Variants in UBN2 observed in about 807,000 individuals in gnomAD.
The protein encoded by UBN2 is ubinuclein 2.
A neutral mutation model predicts 120.2 loss-of-function variants in UBN2; 35 were observed. That is an observed-to-expected ratio of 0.29 (90% CI 0.22 to 0.39). The LOEUF is 0.39. Ranked by LOEUF, UBN2 falls within the 10% of genes least tolerant of loss-of-function variation. UBN2 has a pLI of 1.00. For missense variants in UBN2, 1,693 were observed against 1,663.2 expected (o/e 1.02, Z -0.31); for synonymous variants, 661 against 648.7 (o/e 1.02, Z -0.29).
In UBN2 at chr7:139,231,483, G is replaced by A. The variant is rs1371160380; in HGVS notation, c.-2G>A. 1 of 1,378,220 alleles carries A rather than the reference G, an allele frequency of 7.3e-7. No individual in the cohort carries two copies. Among genetic ancestry groups the A allele is most frequent in the Admixed American group, 3.1e-5 (1 of 32,014 alleles). The allele number at this position is 1,378,220 out of a possible 1,614,324, so 85.4% of individuals were successfully genotyped here. On this transcript the variant is annotated 5_prime_UTR_variant, in exon 1 of 18. Coordinates refer to ENST00000473989, the MANE Select transcript of UBN2 (RefSeq NM_173569.4). ...CAAAAGCGGAGGGCCAGAACAGTGG[G>A]GATGGCGGAGCCGCGCAGAGTAGCG...
chr7:139,235,434 C>A (rs181217614), intron 1 of UBN2, among the ~76,000 whole-genome samples: 94 of 152,180 alleles, frequency 6.2e-4, no homozygotes, highest in Non-Finnish European at 5.9e-5. Context: ...CTCACTCTGT[C>A]TCAACCAGGT....
downstream of UBN2, among the ~76,000 whole-genome samples, chr7:139,311,078 A>G (rs568804118): frequency 6.6e-6 from 1 of 152,352 alleles, no homozygotes; most frequent in South Asian, 2.1e-4. Flanking sequence ...ACTGCTTCCT[A>G]TACATACAAA....
At chr7:139,266,495 G>A in intron 7 of UBN2, 92 bp downstream of exon 7, 4 of 670,722 alleles carry the variant, frequency 6.0e-6, no homozygotes, top group Non-Finnish European at 1.0e-5. Context: ...GGCAAGTCTT[G>A]GGCATGAGTT....
At chr7:139,237,907 T>C (rs1796209398) in intron 2 of UBN2, among the ~76,000 whole-genome samples, 1 of 152,230 alleles carries the variant, frequency 6.6e-6, no homozygotes, top group African/African-American at 2.4e-5. Flanking sequence ...ATGAGACTTC[T>C]TTGAAAGTGT....
At chr7:139,270,184 G>T (rs1324478527) in intron 8 of UBN2, among the ~76,000 whole-genome samples, 1 of 151,714 alleles carries the variant, frequency 6.6e-6, no homozygotes, top group Non-Finnish European at 1.5e-5. Context: ...TATATATAAA[G>T]AAATACTGTC....
intron 8 of UBN2, among the ~76,000 whole-genome samples, chr7:139,271,806 G>A (rs1026812236): frequency 1.3e-5 from 2 of 152,018 alleles, no homozygotes; most frequent in African/African-American, 4.8e-5. Context: ...TTTCACTTTG[G>A]CCTTGACCTT....
Position 139,284,684 on chromosome 7 carries a change from G to A in UBN2, c.3669+110G>A. On this transcript the variant is annotated intron_variant, in intron 15 of 17. Transcript: ENST00000473989. Reference sequence around the variant, plus strand: ...ATGATATGTGGATTGTTCTCAATTGGCTTATTACAGCCTGCAGCCATGGAA... The same window carrying A: ...ATGATATGTGGATTGTTCTCAATTGACTTATTACAGCCTGCAGCCATGGAA... 9 of 914,542 alleles carry A rather than the reference G, an allele frequency of 9.8e-6. No homozygotes were observed. The South Asian group carries it at 1.6e-4, about 17-fold the overall frequency. 56.7% of individuals were successfully genotyped at this position (914,542 alleles called of 1,614,324 possible).
chr7:139,237,038 G>T lies in UBN2; in HGVS notation c.502G>T (p.Asp168Tyr), dbSNP rs888051539. 8 of 1,611,146 alleles carry T rather than the reference G, an allele frequency of 5.0e-6. No individual in the cohort carries two copies. The highest frequency in any genetic ancestry group is 6.8e-6 in the Non-Finnish European group (8 of 1,178,124). ...KLIHTEDPFNDEHQERQEVEM... is the reference protein window; with the variant it reads ...KLIHTEDPFNYEHQERQEVEM... ...CATTCACACAGAAGACCCATTTAAT[G>T]ATGAACATCAGGAGAGGCAAGAGGT... The change falls in exon 2 of 18, where the codon GAT (aspartate) becomes TAT (tyrosine). Residue 168 changes from aspartate (D) to tyrosine (Y), a missense_variant. Physicochemically the swap from Asp to Tyr is radical, Grantham distance 160. Coordinates refer to ENST00000473989, the MANE Select transcript of UBN2 (RefSeq NM_173569.4).
Position 139,302,653 on chromosome 7 carries a change from C to T in UBN2, c.*4817C>T, listed in dbSNP as rs1279486765. ...TGAGCTGAGATCGCGCCACTGCACT[C>T]CAGCCTGGGCGACAGAGCAAGACTC... On this transcript the variant is annotated 3_prime_UTR_variant, in exon 18 of 18. Transcript: ENST00000473989. The T allele has an allele frequency of 3.3e-5, 5 of 152,272 alleles. No individual in the cohort carries two copies. The East Asian group carries it at 7.7e-4, about 23-fold the overall frequency. 9.4% of individuals were successfully genotyped at this position (152,272 alleles called of 1,614,324 possible).
Position 139,231,862 on chromosome 7 carries a change from G to A in UBN2, c.378G>A (p.Thr126=), listed in dbSNP as rs1247972761. ...AGCCGCCGCGGCCGCCGAGGGAGAC[G>A]GTGCGCCTGGAGCTGGTGCTTAAGG... is the stretch of plus-strand genomic sequence containing the variant. ...AEQPPRPPRE[T]VRLELVLKDP... is the part of the protein sequence containing the mutation. Residue 126 remains threonine (T), a synonymous_variant, in exon 1 of 18, where the codon ACG becomes ACA. Coordinates refer to ENST00000473989, the MANE Select transcript of UBN2 (RefSeq NM_173569.4). 4 of 1,558,840 alleles carry A rather than the reference G, an allele frequency of 2.6e-6. No homozygotes were observed. The highest frequency in any genetic ancestry group is 2.6e-5 in the East Asian group (1 of 38,466).
At position 139,273,430 on chromosome 7, in the gene UBN2, C is replaced by T. The variant is rs577968108; in HGVS notation, c.1829+20C>T. ...TATCAGGTAAGATTTAATTAGTTTTCACTTTTAATATATAATGCAGAAGTA... is the reference window on the plus strand; with the variant it reads ...TATCAGGTAAGATTTAATTAGTTTTTACTTTTAATATATAATGCAGAAGTA... On this transcript the variant is annotated intron_variant, in intron 10 of 17. Coordinates refer to ENST00000473989, the MANE Select transcript of UBN2 (RefSeq NM_173569.4). The T allele has an allele frequency of 1.4e-6, 2 of 1,479,682 alleles. No individual in the cohort carries two copies. Among genetic ancestry groups the T allele is most frequent in the African/African-American group, 2.8e-5 (2 of 71,230 alleles). 91.7% of individuals were successfully genotyped at this position (1,479,682 alleles called of 1,614,324 possible).
intron 1 of UBN2, among the ~76,000 whole-genome samples, chr7:139,232,706 G>A (rs1335185614): frequency 6.6e-6 from 1 of 152,140 alleles, no homozygotes; most frequent in African/African-American, 2.4e-5. Flanking sequence ...TATTATTTAA[G>A]TGTACTATCA....
intron 6 of UBN2, among the ~76,000 whole-genome samples, chr7:139,265,459 C>T (rs1797068961): frequency 2.0e-5 from 3 of 152,038 alleles, no homozygotes; most frequent in African/African-American, 7.3e-5. Flanking sequence ...GCCTGGGCGA[C>T]AGAGTAAGAC....
At chr7:139,243,985 A>G (rs1252311198) in intron 2 of UBN2, among the ~76,000 whole-genome samples, 2 of 152,190 alleles carry the variant, frequency 1.3e-5, no homozygotes, top group Non-Finnish European at 2.9e-5. Flanking sequence ...GGCCAAACCT[A>G]ATAAAATAAC....
intron 2 of UBN2, among the ~76,000 whole-genome samples, chr7:139,246,900 G>C (rs955853394): frequency 6.6e-6 from 1 of 152,036 alleles, no homozygotes; most frequent in Non-Finnish European, 1.5e-5. Flanking sequence ...TCTTATTGCC[G>C]AGCAGTAATC....
chr7:139,235,355 A>T (rs1796136036), intron 1 of UBN2, among the ~76,000 whole-genome samples: 1 of 151,856 alleles, frequency 6.6e-6, no homozygotes, highest in African/African-American at 2.4e-5. Flanking sequence ...TCCCTTTTGG[A>T]TCATGTTTAT....
rs1260250896 is a variant in UBN2, at chr7:139,284,518, A to C, written c.3613A>C (p.Thr1205Pro). ...ACAGGGTGCTACCAAACCATTGTCTACTCCACATAGACCATCCACTGCCTC... is the reference window on the plus strand; with the variant it reads ...ACAGGGTGCTACCAAACCATTGTCTCCTCCACATAGACCATCCACTGCCTC... ...GTQGATKPLS[T>P]PHRPSTASGS... The change falls in exon 15 of 18, where the codon ACT becomes CCT. Residue 1205 changes from threonine (T) to proline (P), a missense_variant. This residue lies in a region of UBN2 where 837 missense variants were observed against 817.6 expected (regional missense o/e 1.02). Transcript: ENST00000473989. 6.2e-7 allele frequency: 1 copy of C among 1,613,884 alleles called. No individual in the cohort carries two copies. The highest frequency in any genetic ancestry group is 1.6e-4 in the Middle Eastern group (1 of 6,062).
chr7:139,234,754 C>T (rs1796118235), intron 1 of UBN2, among the ~76,000 whole-genome samples: 1 of 152,184 alleles, frequency 6.6e-6, no homozygotes, highest in Non-Finnish European at 1.5e-5. Flanking sequence ...CTTAATTGAA[C>T]ATTTACTGTA....
chr7:139,281,227 C>T (rs1447890798), intron 13 of UBN2, among the ~76,000 whole-genome samples: 1 of 152,012 alleles, frequency 6.6e-6, no homozygotes, highest in East Asian at 1.9e-4. Flanking sequence ...ATGTTTCCTT[C>T]TCTATGATTA....
Sources: allele counts gnomAD v4.1 joint callset (sites outside exome capture counted in the v4.1 genomes callset), GRCh38; gene constraint gnomAD v4.1.1; regional missense constraint gnomAD v4.1.1; transcripts MANE v1.5; gene names NCBI Gene and HGNC (gene_info 2026-07-23, HGNC 2026-07-21).